The following TLN2 variants were observed in gnomAD, a reference collection of about 807,000 sequenced individuals.
The protein encoded by TLN2 is talin 2.
TLN2 carries 118 observed loss-of-function variants against 294.7 expected under a neutral mutation model. The observed-to-expected ratio is 0.40, with a 90% confidence interval of 0.34 to 0.47. The LOEUF (loss-of-function observed/expected upper bound fraction) is 0.47, where lower values mean the gene tolerates loss of function less well. Among genes scored for constraint, TLN2 ranks in the 20% least tolerant of loss-of-function variants. The pLI, the probability that TLN2 is intolerant of heterozygous loss-of-function variation, is 0.84. For missense variants in TLN2, 3,083 were observed against 3,282.2 expected (o/e 0.94, Z 1.48); for synonymous variants, 1,431 against 1,304.5 (o/e 1.10, Z -2.09).
chr15:62,481,798 C>T (rs74572090), intron 1 of TLN2, among the ~76,000 whole-genome samples: 122 of 115,712 alleles, frequency 1.1e-3, no homozygotes, highest in African/African-American at 1.6e-3. Flanking sequence ...TTCTTTCTTT[C>T]TTTTTTTTTT....
Position 62,755,745 on chromosome 15 carries a change from G to T in TLN2, c.4638+52G>T, listed in dbSNP as rs377642188. 5.1e-5 allele frequency: 82 copies of T among 1,597,740 alleles called. 3 individuals carry two copies. In the East Asian group the frequency reaches 1.5e-3, roughly 30 times the overall value. The stretch of plus-strand genomic sequence containing the variant: ...TGAACTCTGTAACTCCTGTTCTGGC[G>T]GGGGAAGGGGAACAAGATTTAAGCT... On this transcript the variant is annotated intron_variant, in intron 37 of 58. Coordinates refer to ENST00000636159, the MANE Select transcript of TLN2 (RefSeq NM_015059.3).
At chr15:62,722,309 T>C in intron 25 of TLN2, 44 bp from the exon 26 acceptor site, 1 of 1,576,482 alleles carries the variant, frequency 6.3e-7, no homozygotes, top group East Asian at 2.3e-5. Flanking sequence ...TCTCTACCTC[T>C]TGCTGCCCAG....
intron 50 of TLN2, among the ~76,000 whole-genome samples, chr15:62,803,492 A>G (rs910771631): frequency 6.6e-6 from 1 of 151,992 alleles, no homozygotes; most frequent in African/African-American, 2.4e-5. Flanking sequence ...GGCATGCTTC[A>G]TTGTTTTCTA....
chr15:62,744,582 C>T (rs548776062), intron 32 of TLN2, among the ~76,000 whole-genome samples: 7 of 151,732 alleles, frequency 4.6e-5, no homozygotes, highest in South Asian at 2.1e-4. Context: ...AATTTCGCTC[C>T]GTCGCCCAGG....
intron 45 of TLN2, among the ~76,000 whole-genome samples, chr15:62,786,567 C>A (rs1440903052): frequency 1.3e-5 from 2 of 152,130 alleles, no homozygotes; most frequent in Non-Finnish European, 2.9e-5. Flanking sequence ...AAATGTAAAT[C>A]CTGAGGAAAA....
chr15:62,766,486 G>A, intron 41 of TLN2, 64 bp downstream of exon 41: 1 of 1,469,228 alleles, frequency 6.8e-7, no homozygotes, highest in Non-Finnish European at 9.4e-7. Context: ...GGGTTTTATT[G>A]ACTTTACTGT....
chr15:62,488,464 AT>A lies in TLN2; in HGVS notation c.-238+97783del, dbSNP rs531033439. On this transcript the variant is annotated intron_variant, in intron 1 of 58. Coordinates refer to ENST00000636159, the MANE Select transcript of TLN2 (RefSeq NM_015059.3). ...ACAAGGGCAGTAATTATAGATTCACATTTTGTAATAAAAGTTCATCCTTGCA... is the reference window on the plus strand; with the variant it reads ...ACAAGGGCAGTAATTATAGATTCACATTTGTAATAAAAGTTCATCCTTGCA... Among the ~76,000 whole-genome samples the A allele has an allele frequency of 7.2e-4, 109 of 152,304 alleles. No individual in the cohort carries two copies. In the Middle Eastern group the frequency reaches 0.01, roughly 14 times the overall value.
intron 45 of TLN2, among the ~76,000 whole-genome samples, chr15:62,788,888 A>G (rs1437373735): frequency 6.6e-6 from 1 of 152,186 alleles, no homozygotes; most frequent in Non-Finnish European, 1.5e-5. Flanking sequence ...AGAATGGGAC[A>G]TAGCTTCTGT....
chr15:62,450,575 C>CTG (rs1014388992), intron 1 of TLN2, among the ~76,000 whole-genome samples: 5 of 97,958 alleles, frequency 5.1e-5, no homozygotes, highest in African/African-American at 1.0e-4. Context: ...GTGTGTGTGT[C>CTG]TGTGTGTGTG....
chr15:62,631,001 G>C (rs913578807), intron 3 of TLN2, among the ~76,000 whole-genome samples: 6 of 152,100 alleles, frequency 3.9e-5, no homozygotes, highest in African/African-American at 1.4e-4. Flanking sequence ...TTTTTCATTT[G>C]AATAAGCCAT....
chr15:62,506,395 A>C (rs887058363), intron 1 of TLN2, among the ~76,000 whole-genome samples: 1 of 152,228 alleles, frequency 6.6e-6, no homozygotes, highest in Non-Finnish European at 1.5e-5. Flanking sequence ...AATGTTCAGC[A>C]AATATTTATT....
chr15:62,395,612 A>G (rs914536639), intron 1 of TLN2, among the ~76,000 whole-genome samples: 1 of 152,210 alleles, frequency 6.6e-6, no homozygotes, highest in Non-Finnish European at 1.5e-5. Flanking sequence ...TAGGAAAAAC[A>G]TTGACATGTA....
intron 9 of TLN2, among the ~76,000 whole-genome samples, chr15:62,659,520 A>G (rs2053591460): frequency 6.6e-6 from 1 of 152,220 alleles, no homozygotes; most frequent in Non-Finnish European, 1.5e-5. Flanking sequence ...AAGCATTGGT[A>G]TTGGTCTTAA....
rs1166046640 is a variant in TLN2 at position 62,491,351 on chromosome 15, T to TACACACAC, written c.-237-98298_-237-98291dup. Among the ~76,000 whole-genome samples, 589 of 100,280 alleles carry TACACACAC rather than the reference T, an allele frequency of 5.9e-3. 1 individual carries two copies. Among genetic ancestry groups the TACACACAC allele is most frequent in the South Asian group, 0.022 (56 of 2,568 alleles). 65.8% of individuals were successfully genotyped at this position (100,280 alleles called of 152,430 possible). A position where few individuals can be genotyped will look rare whatever the true frequency, so the allele number is the denominator to read the frequency against. ...CAAAAAAAAAAAATATATATATATA[T>TACACACAC]ACACACACACACACACACACACACA... On this transcript the variant is annotated intron_variant, in intron 1 of 58. Transcript: ENST00000636159.
At chr15:62,794,250 G>C (rs2065294004) in intron 46 of TLN2, among the ~76,000 whole-genome samples, 1 of 152,190 alleles carries the variant, frequency 6.6e-6, no homozygotes, top group South Asian at 2.1e-4. Flanking sequence ...AGGAGAGGAG[G>C]TGGCTCGTTC....
At position 62,842,021 on chromosome 15, in the gene TLN2, C is replaced by T. The variant is rs2070761321; in HGVS notation, c.*1411C>T. 1.3e-5 allele frequency: 2 copies of T among 152,076 alleles called. No homozygotes were observed. Among genetic ancestry groups the T allele is most frequent in the Non-Finnish European group, 2.9e-5 (2 of 68,038 alleles). The allele number at this position is 152,076 out of a possible 1,614,324, so 9.4% of individuals were successfully genotyped here. On this transcript the variant is annotated 3_prime_UTR_variant, in exon 59 of 59. Coordinates refer to ENST00000636159, the MANE Select transcript of TLN2 (RefSeq NM_015059.3). The stretch of plus-strand genomic sequence containing the variant: ...TATCATGTCTTGGACTCCATCCACA[C>T]TATAGTTTCAAAGTTCCACTGACGG...
At position 62,655,672 on chromosome 15, in the gene TLN2, GTCACTCCCCGAA is replaced by G. The variant is rs1388179672; in HGVS notation, c.518-271_518-260del. Among the ~76,000 whole-genome samples, 29 of 1,014 alleles carry G rather than the reference GTCACTCCCCGAA, an allele frequency of 0.029. 10 individuals are homozygous for G. In the Non-Finnish European group the frequency reaches 0.6, roughly 21 times the overall value. 0.7% of individuals were successfully genotyped at this position (1,014 alleles called of 152,430 possible). A position where few individuals can be genotyped will look rare whatever the true frequency, so the allele number is the denominator to read the frequency against. ...GGGAATGCGTCAGTGGAGAGAACGT[GTCACTCCCCGAA>G]GCCTCTGATGCTTTTCCTTCCTCTT... On this transcript the variant is annotated intron_variant, in intron 7 of 58. Coordinates refer to ENST00000636159, the MANE Select transcript of TLN2 (RefSeq NM_015059.3).
chr15:62,549,114 G>T (rs1418970622), intron 1 of TLN2, among the ~76,000 whole-genome samples: 4 of 152,110 alleles, frequency 2.6e-5, no homozygotes, highest in Non-Finnish European at 5.9e-5. Flanking sequence ...TCAATTAGCT[G>T]CCTTTAATTG....
chr15:62,593,894 C>A (rs878921580), intron 2 of TLN2, among the ~76,000 whole-genome samples: 13 of 152,290 alleles, frequency 8.5e-5, no homozygotes, highest in Non-Finnish European at 1.3e-4. Flanking sequence ...TGAGGAAAAT[C>A]CTGCTGCTGT....
Sources: allele counts gnomAD v4.1 joint callset (sites outside exome capture counted in the v4.1 genomes callset), GRCh38; gene constraint gnomAD v4.1.1; transcripts MANE v1.5; gene names NCBI Gene and HGNC (gene_info 2026-07-23, HGNC 2026-07-21).